The following DAPK2 variants were observed in gnomAD, a reference collection of about 807,000 sequenced individuals.
The protein encoded by DAPK2 is death-associated protein kinase 2.
A neutral mutation model predicts 44.1 loss-of-function variants in DAPK2; 35 were observed. The ratio of observed to expected loss-of-function variants is 0.79; its 90% confidence interval spans 0.61 to 1.05. The LOEUF (loss-of-function observed/expected upper bound fraction) is 1.05. Among genes scored for constraint, DAPK2 ranks in the 50% least tolerant of loss-of-function variants. The probability of loss-of-function intolerance (pLI) is 0.00; values close to 1 mark genes in which losing one functional copy is unlikely to be tolerated. For missense variants in DAPK2, 453 were observed against 483.2 expected (o/e 0.94, Z 0.59); for synonymous variants, 174 against 182.6 (o/e 0.95, Z 0.38).
chr15:63,943,009 G>A (rs2077352732), intron 3 of DAPK2, among the ~76,000 whole-genome samples: 1 of 151,676 alleles, frequency 6.6e-6, no homozygotes, highest in Non-Finnish European at 1.5e-5. Flanking sequence ...CACTGATTAA[G>A]CCCCTGCAAT....
chr15:63,949,655 C>T (rs1385118088), intron 3 of DAPK2, among the ~76,000 whole-genome samples: 1 of 152,186 alleles, frequency 6.6e-6, no homozygotes, highest in African/African-American at 2.4e-5. Context: ...CTCCAAGATG[C>T]ATGACTTCAA....
chr15:63,988,847 T>C (rs1360372888), intron 1 of DAPK2, among the ~76,000 whole-genome samples: 1 of 152,046 alleles, frequency 6.6e-6, no homozygotes, highest in Non-Finnish European at 1.5e-5. Flanking sequence ...CATTCTCTTT[T>C]TCAATATTTG....
chr15:63,970,373 C>G (rs1025230508), intron 3 of DAPK2, among the ~76,000 whole-genome samples: 7 of 152,112 alleles, frequency 4.6e-5, no homozygotes, highest in Non-Finnish European at 4.4e-5. Flanking sequence ...TTATAAGGCC[C>G]TTCTCTTCTT....
At chr15:63,926,194 G>T in intron 6 of DAPK2, 101 bp from the exon 8 acceptor site, 1 of 1,361,912 alleles carries the variant, frequency 7.3e-7, no homozygotes, top group South Asian at 1.4e-5. Flanking sequence ...GCAGGGAGCT[G>T]GAAGGCTCCC....
At chr15:63,943,869 C>G (rs1401788838) in intron 3 of DAPK2, among the ~76,000 whole-genome samples, 1 of 151,874 alleles carries the variant, frequency 6.6e-6, no homozygotes, top group Non-Finnish European at 1.5e-5. Flanking sequence ...GAGAGGGACT[C>G]TGTCTCAAAA....
intron 8 of DAPK2, chr15:63,922,407 C>G (rs1025245170): frequency 9.2e-7 from 1 of 1,089,074 alleles, no homozygotes; most frequent in Non-Finnish European, 1.1e-6. Flanking sequence ...TGAACAAATC[C>G]TTCATCACAA....
intron 1 of DAPK2, among the ~76,000 whole-genome samples, chr15:63,987,251 A>C (rs2078691694): frequency 2.0e-5 from 3 of 152,150 alleles, no homozygotes; most frequent in Admixed American, 2.0e-4. Flanking sequence ...AGGTGACAGC[A>C]ACAGGCCTTT....
chr15:63,908,413 G>A lies in DAPK2; in HGVS notation c.*107C>T. The A allele has an allele frequency of 1.7e-6, 1 of 604,328 alleles. No individual in the cohort carries two copies. 37.4% of individuals were successfully genotyped at this position (604,328 alleles called of 1,614,324 possible). A position where few individuals can be genotyped will look rare whatever the true frequency, so the allele number is the denominator to read the frequency against. ...TCCTTGGGCCCATCTCTCTTGCAAA[G>A]TGCTCAGGACGCCCGGGTGCTGGTG... is the stretch of plus-strand genomic sequence containing the variant. On this transcript the variant is annotated 3_prime_UTR_variant, in exon 11 of 11. Transcript: ENST00000261891. The surrounding 1 kb of genome is among the most constrained non-coding windows in gnomAD (Gnocchi z 5.7).
chr15:63,950,857 T>C (rs2077567480), intron 3 of DAPK2, among the ~76,000 whole-genome samples: 1 of 152,210 alleles, frequency 6.6e-6, no homozygotes, highest in South Asian at 2.1e-4. Context: ...AAAACAGACA[T>C]GTAAACACAT....
chr15:64,029,933 A>T (rs1395055348), intron 1 of DAPK2: 2 of 152,436 alleles, frequency 1.3e-5, no homozygotes, highest in African/African-American at 4.8e-5. Context: ...GCCAGCTCAC[A>T]GTTCCCTACC....
chr15:63,991,729 A>G (rs2078825386), intron 1 of DAPK2, among the ~76,000 whole-genome samples: 1 of 152,232 alleles, frequency 6.6e-6, no homozygotes, highest in African/African-American at 2.4e-5. Context: ...GTTTCAAATC[A>G]TAAATGAAAA....
intron 3 of DAPK2, among the ~76,000 whole-genome samples, chr15:63,953,744 T>C (rs55694045): frequency 0.28 from 43,108 of 152,156 alleles, 7,043 homozygotes; most frequent in Non-Finnish European, 0.36. Flanking sequence ...ACCAACAGTG[T>C]ACGAGGGTTC....
At position 63,917,503 on chromosome 15, in the gene DAPK2, C is replaced by T. The variant is rs979302265; in HGVS notation, c.859-5306G>A. 15 of 152,134 alleles carry T rather than the reference C, an allele frequency of 9.9e-5. No homozygotes were observed. The highest frequency in any genetic ancestry group is 6.5e-5 in the Admixed American group (1 of 15,272). The allele number at this position is 152,134 out of a possible 1,614,324, so 9.4% of individuals were successfully genotyped here. ...TGGGAGAGATGAATGAAAGAGGACC[C>T]GCATGACTTGATTCCTGCTGGAGCG... On this transcript the variant is annotated intron_variant, in intron 8 of 10. Transcript: ENST00000261891. This position sits in a 1 kb window ranked among gnomAD's most constrained non-coding sequence, Gnocchi z 4.4.
intron 1 of DAPK2, among the ~76,000 whole-genome samples, chr15:63,996,656 G>A (rs535896659): frequency 1.5e-4 from 23 of 152,212 alleles, no homozygotes; most frequent in Non-Finnish European, 2.1e-4. Context: ...TCACTGCAGC[G>A]TTCACTCCAG....
rs910866738 is a variant in DAPK2 at position 64,010,231 on chromosome 15, C to G, written c.93-26477G>C. ...GATAAGCCCTCTGAGGATTCTAATG[C>G]CCACCAAAGTTTGAGAACCACGAGT... On this transcript the variant is annotated intron_variant, in intron 1 of 10. Transcript: ENST00000261891. Among the ~76,000 whole-genome samples, 12 of 152,218 alleles carry G rather than the reference C, an allele frequency of 7.9e-5. No individual in the cohort carries two copies. The South Asian group carries it at 2.3e-3, about 29-fold the overall frequency.
At chr15:64,041,065 A>G (rs750537334), upstream of DAPK2, among the ~76,000 whole-genome samples, 8 of 152,192 alleles carry the variant, frequency 5.3e-5, no homozygotes, top group African/African-American at 1.4e-4. Context: ...ATTATTTTGT[A>G]AACTAGAAAA....
At chr15:63,941,339 A>C (rs541776460) in intron 3 of DAPK2, among the ~76,000 whole-genome samples, 1 of 151,944 alleles carries the variant, frequency 6.6e-6, no homozygotes, top group Non-Finnish European at 1.5e-5. Context: ...CTGTGATGAC[A>C]TTTGGCATGC....
intron 1 of DAPK2, among the ~76,000 whole-genome samples, chr15:64,036,471 C>A (rs1194453523): frequency 6.6e-6 from 1 of 151,002 alleles, no homozygotes; most frequent in African/African-American, 2.4e-5. Context: ...CAGAATACAG[C>A]ACCCCAGAAA....
At position 63,912,765 on chromosome 15, in the gene DAPK2, C is replaced by T. The variant is rs1358979062; in HGVS notation, c.859-568G>A. ...CTTCTCTGAGCCTCAGTTTCCCCAT[C>T]TGTAATATGGGGATAATAATATCAT... On this transcript the variant is annotated intron_variant, in intron 8 of 10. Coordinates refer to ENST00000261891, the Ensembl canonical transcript of DAPK2. This position sits in a 1 kb window ranked among gnomAD's most constrained non-coding sequence, Gnocchi z 4.4. 6.6e-6 allele frequency among the ~76,000 whole-genome samples: 1 copy of T among 152,154 alleles called. No homozygotes were observed. Among genetic ancestry groups the T allele is most frequent in the Non-Finnish European group, 1.5e-5 (1 of 68,034 alleles).
Sources: allele counts gnomAD v4.1 joint callset (sites outside exome capture counted in the v4.1 genomes callset), GRCh38; gene constraint gnomAD v4.1.1; non-coding constraint Gnocchi (gnomAD v3.1); transcripts MANE v1.5; gene names NCBI Gene and HGNC (gene_info 2026-07-23, HGNC 2026-07-21).